NOS1AP: variants seen among roughly 807,000 people sequenced by gnomAD.
NOS1AP encodes the protein carboxyl-terminal PDZ ligand of neuronal nitric oxide synthase protein.
A neutral mutation model predicts 56.2 loss-of-function variants in NOS1AP; 21 were observed. The ratio of observed to expected loss-of-function variants is 0.37; its 90% CI spans 0.26 to 0.54. The LOEUF (loss-of-function observed/expected upper bound fraction) is 0.54. NOS1AP is among the 20% of genes least tolerant of loss of function. The pLI, the probability that NOS1AP is intolerant of heterozygous loss-of-function variation, is 0.84. For synonymous variants in NOS1AP, 270 were observed against 274.6 expected (o/e 0.98, Z 0.17); for missense variants, 522 against 657.8 (o/e 0.79, Z 2.26).
chr1:162,327,252 T>TA (rs1308216986), intron 4 of NOS1AP, among the ~76,000 whole-genome samples: 7 of 152,108 alleles, frequency 4.6e-5, no homozygotes, highest in Admixed American at 2.0e-4. Context: ...TATGTAATTT[T>TA]AAAAAACCGA....
Position 162,364,717 on chromosome 1 carries a change from T to C in NOS1AP, c.940-687T>C. 3 of 985,742 alleles carry C rather than the reference T, an allele frequency of 3.0e-6. No individual in the cohort carries two copies. In the African/African-American group the frequency reaches 5.2e-5, roughly 17 times the overall value. 61.1% of individuals were successfully genotyped at this position (985,742 alleles called of 1,614,324 possible). A position where few individuals can be genotyped will look rare whatever the true frequency, so the allele number is the denominator to read the frequency against. On this transcript the variant is annotated intron_variant, in intron 8 of 9. Transcript: ENST00000361897. ...GACCCCTACCAGGTGGTCCTGGTAATATGTGGTATGAATCATGGTCCTAGA... is the reference window on the plus strand; with the variant it reads ...GACCCCTACCAGGTGGTCCTGGTAACATGTGGTATGAATCATGGTCCTAGA...
chr1:162,276,258 A>C (rs1359517735), intron 2 of NOS1AP, among the ~76,000 whole-genome samples: 3 of 152,186 alleles, frequency 2.0e-5, no homozygotes, highest in Non-Finnish European at 4.4e-5. Context: ...CTCTTCACCC[A>C]AGTTCATTTG....
At chr1:162,174,726 A>G (rs1215692687) in intron 2 of NOS1AP, among the ~76,000 whole-genome samples, 1 of 152,196 alleles carries the variant, frequency 6.6e-6, no homozygotes, top group African/African-American at 2.4e-5. Context: ...ATGAACTGAT[A>G]TTGATATATT....
Position 162,303,757 on chromosome 1 carries a change from A to G in NOS1AP, c.344+3051A>G, listed in dbSNP as rs148035227. On this transcript the variant is annotated intron_variant, in intron 4 of 9. Transcript: ENST00000361897. ...GCACTCAGCCTTCTCTTGATCTTAC[A>G]TGCCATTTGTATATATATTTTTAAG... Among the ~76,000 whole-genome samples, 15 of 152,208 alleles carry G rather than the reference A, an allele frequency of 9.9e-5. No homozygotes were observed. The East Asian group carries it at 2.7e-3, about 27-fold the overall frequency.
intron 2 of NOS1AP, among the ~76,000 whole-genome samples, chr1:162,262,739 G>C (rs1654278469): frequency 6.6e-6 from 1 of 152,168 alleles, no homozygotes; most frequent in Non-Finnish European, 1.5e-5. Flanking sequence ...TGCCAACTAA[G>C]TGCAAAGCAT....
At chr1:162,075,925 C>T (rs866302061) in intron 1 of NOS1AP, among the ~76,000 whole-genome samples, 8 of 152,302 alleles carry the variant, frequency 5.3e-5, no homozygotes, top group South Asian at 2.1e-4. Flanking sequence ...TCTATTTCCA[C>T]GTTAGCTGTA....
intron 1 of NOS1AP, among the ~76,000 whole-genome samples, chr1:162,077,698 C>G (rs1412254526): frequency 2.0e-5 from 3 of 150,910 alleles, no homozygotes; most frequent in Non-Finnish European, 2.9e-5. Context: ...ACTCCCCACC[C>G]CCACCCTGGC....
intron 1 of NOS1AP, among the ~76,000 whole-genome samples, chr1:162,135,497 G>A (rs1648955084): frequency 6.6e-6 from 1 of 152,174 alleles, no homozygotes; most frequent in African/African-American, 2.4e-5. Flanking sequence ...TAATCTTGAT[G>A]GGGGGACACC....
At chr1:162,091,519 A>G (rs1211130047) in intron 1 of NOS1AP, among the ~76,000 whole-genome samples, 2 of 152,328 alleles carry the variant, frequency 1.3e-5, no homozygotes, top group East Asian at 1.9e-4. Context: ...GGAAGACTCA[A>G]TAAATATATT....
At chr1:162,178,636 A>G (rs1651148108) in intron 2 of NOS1AP, among the ~76,000 whole-genome samples, 1 of 152,298 alleles carries the variant, frequency 6.6e-6, no homozygotes, top group Admixed American at 6.5e-5. Flanking sequence ...CCACTGCGTC[A>G]TGCCGTCTCT....
chr1:162,235,672 A>T (rs1469409771), intron 2 of NOS1AP, among the ~76,000 whole-genome samples: 1 of 152,136 alleles, frequency 6.6e-6, no homozygotes, highest in Non-Finnish European at 1.5e-5. Flanking sequence ...GGTTTTAATT[A>T]AGCAGAGTAG....
At chr1:162,365,132 TTCCTGCC>T in intron 8 of NOS1AP, 1 of 1,397,452 alleles carries the variant, frequency 7.2e-7, no homozygotes, top group Non-Finnish European at 9.3e-7. Flanking sequence ...CGATGGCTCT[TTCCTGCC>T]TCTTGCCCTT....
intron 1 of NOS1AP, among the ~76,000 whole-genome samples, chr1:162,110,717 G>C (rs1292259031): frequency 1.3e-5 from 2 of 152,124 alleles, no homozygotes; most frequent in African/African-American, 4.8e-5. Flanking sequence ...TGTGTGACAG[G>C]CATGTTTGGA....
chr1:162,199,690 T>A (rs547767070), intron 2 of NOS1AP, among the ~76,000 whole-genome samples: 85 of 151,460 alleles, frequency 5.6e-4, no homozygotes, highest in African/African-American at 2.1e-3. Flanking sequence ...GAAGGGCTGA[T>A]AAACCACCAC....
At chr1:162,099,134 T>C (rs1218603852) in intron 1 of NOS1AP, among the ~76,000 whole-genome samples, 1 of 152,148 alleles carries the variant, frequency 6.6e-6, no homozygotes, top group Non-Finnish European at 1.5e-5. Context: ...TCACTAACAG[T>C]GTAAACGCAT....
intron 5 of NOS1AP, among the ~76,000 whole-genome samples, chr1:162,341,980 C>T (rs1232030553): frequency 2.0e-5 from 3 of 152,108 alleles, no homozygotes; most frequent in Non-Finnish European, 2.9e-5. Flanking sequence ...TTGCTTAGGA[C>T]TGATGCCTAC....
chr1:162,291,873 T>C (rs1036988558), intron 3 of NOS1AP, among the ~76,000 whole-genome samples: 2 of 152,190 alleles, frequency 1.3e-5, no homozygotes, highest in Non-Finnish European at 2.9e-5. Flanking sequence ...TCCATGTATA[T>C]GTAATGATTA....
At chr1:162,295,362 A>C (rs1368604745) in intron 3 of NOS1AP, among the ~76,000 whole-genome samples, 1 of 152,226 alleles carries the variant, frequency 6.6e-6, no homozygotes, top group African/African-American at 2.4e-5. Context: ...TTTAAAGGAA[A>C]AATAAAAGAC....
At chr1:162,279,463 G>A (rs10732286) in intron 2 of NOS1AP, among the ~76,000 whole-genome samples, 83,551 of 151,980 alleles carry the variant, frequency 0.55, 24,755 homozygotes, top group East Asian at 0.96. Context: ...CCTCCTCACA[G>A]AACATCTGTG....
Sources: allele counts gnomAD v4.1 joint callset (sites outside exome capture counted in the v4.1 genomes callset), GRCh38; gene constraint gnomAD v4.1.1; transcripts MANE v1.5; gene names NCBI Gene and HGNC (gene_info 2026-07-23, HGNC 2026-07-21).